The following CMTM4 variants were observed in gnomAD, a reference collection of about 807,000 sequenced individuals.
CMTM4 encodes CKLF like MARVEL transmembrane domain containing 4.
A neutral mutation model predicts 19.0 loss-of-function variants in CMTM4; 8 were observed. The ratio of observed to expected loss-of-function variants is 0.42; its 90% confidence interval spans 0.25 to 0.76. CMTM4 has a LOEUF of 0.76. Among genes scored for constraint, CMTM4 ranks in the 30% least tolerant of loss-of-function variants. The pLI is 0.27. For missense variants in CMTM4, 228 were observed against 290.2 expected, an observed-to-expected ratio of 0.79 and a Z score of 1.56; for synonymous variants, 106 against 121.1, an observed-to-expected ratio of 0.88 and a Z score of 0.82.
At chr16:66,661,009 T>C (rs2016490791) in intron 1 of CMTM4, among the ~76,000 whole-genome samples, 1 of 152,092 alleles carries the variant, frequency 6.6e-6, no homozygotes, top group Non-Finnish European at 1.5e-5. Context: ...CAACAGGGCA[T>C]GAACAGGCAT....
intron 1 of CMTM4, among the ~76,000 whole-genome samples, chr16:66,662,221 G>A (rs543450064): frequency 1.2e-4 from 19 of 152,320 alleles, no homozygotes; most frequent in Non-Finnish European, 2.6e-4. Flanking sequence ...ACAATGCACA[G>A]AGCAGCTATT....
At chr16:66,650,712 T>G (rs1200292710) in intron 1 of CMTM4, among the ~76,000 whole-genome samples, 1 of 152,168 alleles carries the variant, frequency 6.6e-6, no homozygotes, top group African/African-American at 2.4e-5. Context: ...CCCGCACACC[T>G]CTTAACACTT....
At chr16:66,623,271 C>T in intron 3 of CMTM4, 133 bp downstream of exon 3, 1 of 607,384 alleles carries the variant, frequency 1.6e-6, no homozygotes, top group Non-Finnish European at 2.9e-6. Context: ...GACTGGGACC[C>T]CCACTGGCCC....
In CMTM4 at chr16:66,618,141, TAAC is replaced by T. The variant is rs2015559861; in HGVS notation, c.*3914_*3916del. 1 of 985,262 alleles carries T rather than the reference TAAC, an allele frequency of 1.0e-6. No homozygotes were observed. Among genetic ancestry groups the T allele is most frequent in the Non-Finnish European group, 1.2e-6 (1 of 829,946 alleles). 61.0% of individuals were successfully genotyped at this position (985,262 alleles called of 1,614,324 possible). A position where few individuals can be genotyped will look rare whatever the true frequency, so the allele number is the denominator to read the frequency against. On this transcript the variant is annotated 3_prime_UTR_variant, in exon 4 of 4. Coordinates refer to ENST00000394106, the MANE Select transcript of CMTM4 (RefSeq NM_181521.3). ...TGGATTCTGCAACTTCACTAGGAAA[TAAC>T]AAGGCACCTAGAGACTTCACAAGCT...
Position 66,619,473 on chromosome 16 carries a change from C to T in CMTM4, c.*2585G>A. The T allele has an allele frequency of 1.0e-6, 1 of 985,434 alleles. No individual in the cohort carries two copies. Among genetic ancestry groups the T allele is most frequent in the Non-Finnish European group, 1.2e-6 (1 of 829,940 alleles). 61.0% of individuals were successfully genotyped at this position (985,434 alleles called of 1,614,324 possible). On this transcript the variant is annotated 3_prime_UTR_variant, in exon 4 of 4. Transcript: ENST00000394106. ...CTAAGGTCGCTCAGCCTTCAAATGCCCCAAACCAAACTGATATTGGTCCCT... is the reference window on the plus strand; with the variant it reads ...CTAAGGTCGCTCAGCCTTCAAATGCTCCAAACCAAACTGATATTGGTCCCT...
chr16:66,619,757 T>A lies in CMTM4; in HGVS notation c.*2301A>T. 5.1e-6 allele frequency: 5 copies of A among 985,350 alleles called. No individual in the cohort carries two copies. Among genetic ancestry groups the A allele is most frequent in the African/African-American group, 1.7e-5 (1 of 57,326 alleles). The allele number at this position is 985,350 out of a possible 1,614,324, so 61.0% of individuals were successfully genotyped here. ...CACTTCCGGTTCTAGTGGGAGTTAA[T>A]TAAATACAAGGAGAACATTTACAAA... On this transcript the variant is annotated 3_prime_UTR_variant, in exon 4 of 4. Coordinates refer to ENST00000394106, the MANE Select transcript of CMTM4 (RefSeq NM_181521.3).
At chr16:66,667,872 G>A (rs2016628687) in intron 1 of CMTM4, among the ~76,000 whole-genome samples, 2 of 152,076 alleles carry the variant, frequency 1.3e-5, no homozygotes, top group African/African-American at 4.8e-5. Flanking sequence ...TGGCTGATAG[G>A]GCGAGACTCT....
At chr16:66,638,079 T>C (rs1025006497) in intron 1 of CMTM4, among the ~76,000 whole-genome samples, 1 of 152,120 alleles carries the variant, frequency 6.6e-6, no homozygotes, top group Non-Finnish European at 1.5e-5. Context: ...CGCCACCTCC[T>C]CCCCATGTCT....
downstream of CMTM4, chr16:66,612,595 T>C (rs2015421080): frequency 6.2e-7 from 1 of 1,613,940 alleles, no homozygotes; most frequent in Non-Finnish European, 8.5e-7. This position sits in a 1 kb window ranked among gnomAD's most constrained non-coding sequence, Gnocchi z 6.0. Flanking sequence ...GCATCCTCTC[T>C]GCTTTCCTTT....
At chr16:66,612,332 G>A (rs2015408264), downstream of CMTM4, among the ~76,000 whole-genome samples, 1 of 152,172 alleles carries the variant, frequency 6.6e-6, no homozygotes, top group South Asian at 2.1e-4. This position sits in a 1 kb window ranked among gnomAD's most constrained non-coding sequence, Gnocchi z 6.0. Flanking sequence ...TCGAGATCCC[G>A]CCATTGCACT....
intron 1 of CMTM4, among the ~76,000 whole-genome samples, chr16:66,688,505 T>C (rs1270410840): frequency 6.7e-6 from 1 of 150,076 alleles, no homozygotes; most frequent in East Asian, 1.9e-4. Flanking sequence ...AAGTCCATCA[T>C]ACTCTCAGAA....
chr16:66,608,505 AAGTGGCCAGATGAGG>A, the CMTM4 span: 11 of 1,605,952 alleles, frequency 6.8e-6, no homozygotes, highest in Non-Finnish European at 7.6e-6. This position sits in a 1 kb window ranked among gnomAD's most constrained non-coding sequence, Gnocchi z 5.1. Flanking sequence ...GCCCTGCACA[AAGTGGCCAGATGAGG>A]AGTCCAGAGT....
intron 1 of CMTM4, among the ~76,000 whole-genome samples, chr16:66,669,551 AT>A (rs200342684): frequency 4.0e-5 from 6 of 148,602 alleles, no homozygotes; most frequent in East Asian, 3.9e-4. Context: ...CATTTGCTGG[AT>A]TTTTTTTTTG....
chr16:66,678,755 T>C (rs1382424943), intron 1 of CMTM4, among the ~76,000 whole-genome samples: 1 of 152,190 alleles, frequency 6.6e-6, no homozygotes, highest in Non-Finnish European at 1.5e-5. Context: ...TCCTACTGTT[T>C]CCCTCATTAA....
chr16:66,661,407 A>C (rs1487513956), intron 1 of CMTM4, among the ~76,000 whole-genome samples: 2 of 152,222 alleles, frequency 1.3e-5, no homozygotes, highest in African/African-American at 4.8e-5. Context: ...CACTGAGGCT[A>C]AACGCTTGTC....
intron 1 of CMTM4, among the ~76,000 whole-genome samples, chr16:66,688,980 T>C (rs2017088028): frequency 6.6e-6 from 1 of 152,226 alleles, no homozygotes; most frequent in African/African-American, 2.4e-5. Context: ...TTGGTTATCG[T>C]GTGTTGACCT....
intron 1 of CMTM4, among the ~76,000 whole-genome samples, chr16:66,684,062 C>T (rs1330980993): frequency 6.6e-6 from 1 of 152,092 alleles, no homozygotes; most frequent in African/African-American, 2.4e-5. Flanking sequence ...AAAATTCCAG[C>T]CAGAGGTAAG....
At chr16:66,662,792 A>G (rs1423729130) in intron 1 of CMTM4, among the ~76,000 whole-genome samples, 1 of 152,168 alleles carries the variant, frequency 6.6e-6, no homozygotes, top group Non-Finnish European at 1.5e-5. Context: ...AGGGCTGGAA[A>G]ATACCAAGGA....
chr16:66,669,612 G>A (rs1018958419), intron 1 of CMTM4, among the ~76,000 whole-genome samples: 1 of 152,078 alleles, frequency 6.6e-6, no homozygotes, highest in South Asian at 2.1e-4. Flanking sequence ...AGCAATCTCA[G>A]TTCACTGCAA....
Sources: allele counts gnomAD v4.1 joint callset (sites outside exome capture counted in the v4.1 genomes callset), GRCh38; gene constraint gnomAD v4.1.1; non-coding constraint Gnocchi (gnomAD v3.1); transcripts MANE v1.5; gene names NCBI Gene and HGNC (gene_info 2026-07-23, HGNC 2026-07-21).